The following ITPR2 variants were observed in gnomAD, a reference collection of about 807,000 sequenced individuals.
ITPR2 encodes the protein inositol 1,4,5-trisphosphate receptor type 2.
ITPR2 carries 207 observed loss-of-function variants against 317.1 expected under a neutral mutation model. That is an observed-to-expected ratio of 0.65 (90% confidence interval 0.58 to 0.73). ITPR2 has a LOEUF of 0.73. ITPR2 is among the 30% of genes least tolerant of loss of function. ITPR2 has a pLI of 0.00. For synonymous variants in ITPR2, 1,156 were observed against 1,149.1 expected (o/e 1.01, Z -0.12); for missense variants, 2,613 against 3,284.0 (o/e 0.80, Z 4.99).
At chr12:26,457,096 TG>T (rs1295997482) in intron 45 of ITPR2, among the ~76,000 whole-genome samples, 1 of 152,158 alleles carries the variant, frequency 6.6e-6, no homozygotes, top group African/African-American at 2.4e-5. Flanking sequence ...GACTTTCTGT[TG>T]GTGGAGGAGA....
At chr12:26,582,219 C>G (rs1003078376) in intron 32 of ITPR2, among the ~76,000 whole-genome samples, 2 of 152,076 alleles carry the variant, frequency 1.3e-5, no homozygotes, top group Non-Finnish European at 2.9e-5. Flanking sequence ...ATGTAGGAAG[C>G]ACTTATTAAA....
chr12:26,557,814 T>C (rs934908982), intron 35 of ITPR2, among the ~76,000 whole-genome samples: 8 of 152,254 alleles, frequency 5.3e-5, no homozygotes, highest in South Asian at 4.1e-4. Context: ...CTAAACATTC[T>C]TTAATGGTTA....
chr12:26,577,566 G>A lies in ITPR2; in HGVS notation c.4630+1147C>T, dbSNP rs529926427. 7.2e-5 allele frequency among the ~76,000 whole-genome samples: 11 copies of A among 151,764 alleles called. No homozygotes were observed. The Middle Eastern group carries it at 0.034, about 469-fold the overall frequency. On this transcript the variant is annotated intron_variant, in intron 34 of 56. Transcript: ENST00000381340. ...TCTTTTTCATATTACATTCTCTTTT[G>A]TGGTATACAGAAAGTCTGTTAAGTA...
At chr12:26,415,616 A>T (rs1181542525) in intron 50 of ITPR2, 118 bp from the exon 51 acceptor site, 2 of 601,710 alleles carry the variant, frequency 3.3e-6, no homozygotes, top group Non-Finnish European at 5.3e-6. Flanking sequence ...TAAAGAAATA[A>T]CCTAAACCAC....
chr12:26,716,301 G>T, intron 5 of ITPR2, 59 bp from the exon 6 acceptor site: 1 of 1,086,202 alleles, frequency 9.2e-7, no homozygotes, highest in East Asian at 2.4e-5. Flanking sequence ...TGCTATATTC[G>T]AAGCTAGAAA....
intron 37 of ITPR2, among the ~76,000 whole-genome samples, chr12:26,503,202 C>CACACACACACACACACACAT (rs1205525747): frequency 4.0e-5 from 6 of 151,740 alleles, no homozygotes; most frequent in African/African-American, 1.5e-4. Flanking sequence ...CACACACACA[C>CACACACACACACACACACAT]ACACACACAC....
Position 26,724,669 on chromosome 12 carries a change from CT to C in ITPR2, c.352del (p.Ser118ValfsTer9). The C allele has an allele frequency of 6.3e-7, 1 of 1,577,530 alleles. No individual in the cohort carries two copies. ...KKLLGEIVKY[S>X]NVIQLLHIKS... ...GAAAATACTTACTTGTATAACATTA[CT>C]GTATTTTACAATTTCTCCCAACAGT... On this transcript the variant is annotated frameshift_variant, in exon 4 of 57. Transcript: ENST00000381340. LOFTEE classifies it high-confidence loss of function.
intron 37 of ITPR2, among the ~76,000 whole-genome samples, chr12:26,530,661 A>G (rs1943922053): frequency 1.3e-5 from 2 of 152,072 alleles, no homozygotes; most frequent in Admixed American, 6.6e-5. Context: ...TCAGCCTTCA[A>G]TTCTCCCCTA....
At chr12:26,542,838 TG>T (rs1944296751) in intron 37 of ITPR2, among the ~76,000 whole-genome samples, 2 of 152,202 alleles carry the variant, frequency 1.3e-5, no homozygotes, top group African/African-American at 2.4e-5. Context: ...AAATTGTAAC[TG>T]TCATTCTAAA....
chr12:26,459,377 C>T (rs1352992810), intron 45 of ITPR2, among the ~76,000 whole-genome samples: 1 of 152,212 alleles, frequency 6.6e-6, no homozygotes, highest in South Asian at 2.1e-4. Context: ...TATTCTGACT[C>T]TACTGTGCAT....
rs143535557 is a variant in ITPR2 at position 26,810,399 on chromosome 12, G to A, written c.93-20172C>T. Among the ~76,000 whole-genome samples, 20 of 152,242 alleles carry A rather than the reference G, an allele frequency of 1.3e-4. 1 individual carries two copies. Among genetic ancestry groups the A allele is most frequent in the African/African-American group, 3.9e-4 (16 of 41,532 alleles). ...TGAAATGTAAAAAAAGCCATAAAGT[G>A]GGGACTCACTATTATCCCTGTGCCC... On this transcript the variant is annotated intron_variant, in intron 1 of 56. Transcript: ENST00000381340.
Position 26,427,962 on chromosome 12 carries a change from A to G in ITPR2, c.6896T>C (p.Ile2299Thr), listed in dbSNP as rs1295084614. ...TGTAGGCCCAAGACCTATTGTATAT[A>G]TTGATCTGAGCATTATTGATACAAG... ...PFLVSIMLRS[I>T]YTIGLGPTLI... The change falls in exon 49 of 57, where the codon ATA becomes ACA. Residue 2299 changes from isoleucine (I) to threonine (T), a missense_variant. This residue lies in a region of ITPR2 where 78 missense variants were observed against 110.3 expected (regional missense o/e 0.71). Coordinates refer to ENST00000381340, the MANE Select transcript of ITPR2 (RefSeq NM_002223.4). The G allele has an allele frequency of 1.9e-6, 3 of 1,611,424 alleles. No individual in the cohort carries two copies. The highest frequency in any genetic ancestry group is 2.5e-6 in the Non-Finnish European group (3 of 1,178,660).
intron 9 of ITPR2, among the ~76,000 whole-genome samples, chr12:26,702,009 T>C (rs1228129468): frequency 1.3e-5 from 2 of 152,254 alleles, no homozygotes; most frequent in African/African-American, 2.4e-5. Context: ...GGCTGATTTA[T>C]AATTCTTCCC....
chr12:26,811,036 CAAAAAAAA>C (rs79796097), intron 1 of ITPR2, among the ~76,000 whole-genome samples: 43,176 of 110,218 alleles, frequency 0.39, 6,811 homozygotes, highest in East Asian at 0.55. Context: ...TTTTAAGTTA[CAAAAAAAA>C]AAAAAAAAAA....
chr12:26,689,351 G>C (rs1234192100), intron 10 of ITPR2, among the ~76,000 whole-genome samples: 1 of 152,066 alleles, frequency 6.6e-6, no homozygotes, highest in African/African-American at 2.4e-5. Flanking sequence ...CGGAGGTCGA[G>C]GCCACAGTGA....
intron 15 of ITPR2, among the ~76,000 whole-genome samples, chr12:26,659,890 T>C (rs1947457716): frequency 1.3e-5 from 2 of 152,252 alleles, no homozygotes; most frequent in Admixed American, 1.3e-4. Flanking sequence ...AGATCTTTTC[T>C]TTAAAATAAT....
chr12:26,421,981 G>A (rs1940908550), intron 49 of ITPR2, among the ~76,000 whole-genome samples: 1 of 149,350 alleles, frequency 6.7e-6, no homozygotes, highest in South Asian at 2.1e-4. Context: ...TTACCAATAG[G>A]TCTTCTAAAA....
chr12:26,746,531 T>C (rs1321410469), intron 2 of ITPR2, among the ~76,000 whole-genome samples: 1 of 152,182 alleles, frequency 6.6e-6, no homozygotes, highest in Non-Finnish European at 1.5e-5. Context: ...ATCTCATGAC[T>C]CATGTCTTTC....
rs577056974 is a variant in ITPR2 at position 26,357,946 on chromosome 12, G to A, written c.7858-17618C>T. Among the ~76,000 whole-genome samples the A allele has an allele frequency of 1.3e-5, 2 of 152,346 alleles. 1 individual carries two copies. Among genetic ancestry groups the A allele is most frequent in the African/African-American group, 4.8e-5 (2 of 41,560 alleles). ...TACATTTGCTAACTGTTGCTGCTCA[G>A]AGACCTATAAATAGTGGACATTTGG... On this transcript the variant is annotated intron_variant, in intron 55 of 56. Transcript: ENST00000381340.
Sources: gnomAD v4.1 joint callset for allele counts (sites outside exome capture counted in the v4.1 genomes callset) on GRCh38, gnomAD v4.1.1 for gene constraint, gnomAD v4.1.1 regional missense constraint, MANE v1.5 for transcripts, NCBI Gene and HGNC (gene_info 2026-07-23, HGNC 2026-07-21) for gene names.